SCCPDH: variants seen among roughly 807,000 people sequenced by gnomAD.
SCCPDH encodes saccharopine dehydrogenase-like oxidoreductase.
In SCCPDH, 34 loss-of-function variants were observed where a neutral mutation model predicts 51.5. The ratio of observed to expected loss-of-function variants is 0.66; its 90% CI spans 0.50 to 0.88. SCCPDH has a LOEUF of 0.88. Among genes scored for constraint, SCCPDH ranks in the 40% least tolerant of loss-of-function variants. SCCPDH has a pLI of 0.00. For synonymous variants in SCCPDH, 187 were observed against 191.3 expected, an observed-to-expected ratio of 0.98 and a Z score of 0.19; for missense variants, 464 against 527.1, an observed-to-expected ratio of 0.88 and a Z score of 1.17.
Position 246,760,041 on chromosome 1 carries a change from G to T in SCCPDH, c.898G>T (p.Val300Leu). ...TGCAGGACTTTTCTTTTTGTTCTTT[G>T]TGAGGTTTGGAATTGGAAGGCAACT... is the stretch of plus-strand genomic sequence containing the variant. Reference protein sequence around the residue: ...MFAGLFFLFFVRFGIGRQLLI... With the variant: ...MFAGLFFLFFLRFGIGRQLLI... Residue 300 changes from valine to leucine, a missense_variant, in exon 8 of 12, where the codon GTG becomes TTG. By Grantham distance (32) the Val-to-Leu change is conservative. Transcript: ENST00000366510. 6.2e-7 allele frequency: 1 copy of T among 1,613,440 alleles called. No homozygotes were observed. Among genetic ancestry groups the T allele is most frequent in the Non-Finnish European group, 8.5e-7 (1 of 1,179,680 alleles).
At position 246,736,059 on chromosome 1, in the gene SCCPDH, T is replaced by C. The variant is rs1199493039; in HGVS notation, c.384+4T>C. 5.7e-6 allele frequency: 9 copies of C among 1,585,502 alleles called. No homozygotes were observed. Among genetic ancestry groups the C allele is most frequent in the Non-Finnish European group, 6.9e-6 (8 of 1,159,992 alleles). ...CGACATCAGTGGAGAACCTCAGGTA[T>C]AAAAAATAAAAAGGAAAAACGTAGA... is the stretch of plus-strand genomic sequence containing the variant. On this transcript the variant is annotated splice_donor_region_variant and intron_variant, in intron 3 of 11. Coordinates refer to ENST00000366510, the MANE Select transcript of SCCPDH (RefSeq NM_016002.3).
intron 3 of SCCPDH, among the ~76,000 whole-genome samples, chr1:246,739,211 T>A (rs1668642657): frequency 6.6e-6 from 1 of 152,166 alleles, no homozygotes; most frequent in South Asian, 2.1e-4. Context: ...GAACACTGCC[T>A]CAGCCAGGTG....
chr1:246,742,098 A>C (rs1038113845), intron 4 of SCCPDH, among the ~76,000 whole-genome samples: 45 of 152,258 alleles, frequency 3.0e-4, no homozygotes, highest in African/African-American at 1.0e-3. Context: ...CGAATGAATG[A>C]ATGTCAGAAG....
chr1:246,740,386 A>C, intron 4 of SCCPDH, 85 bp downstream of exon 4: 1 of 1,215,680 alleles, frequency 8.2e-7, no homozygotes, highest in Non-Finnish European at 1.1e-6. Context: ...ACTAAAATCT[A>C]GTTGAAAAAA....
In SCCPDH at chr1:246,752,662, G is replaced by A. The variant is rs546844215; in HGVS notation, c.565-5564G>A. Among the ~76,000 whole-genome samples, 12 of 151,744 alleles carry A rather than the reference G, an allele frequency of 7.9e-5. No homozygotes were observed. In the South Asian group the frequency reaches 1.9e-3, roughly 24 times the overall value. ...ATCGGAGGAATCTGTAACTTTCCTC[G>A]ATTCCTGTCTTTTGACCATACCTTG... On this transcript the variant is annotated intron_variant, in intron 5 of 11. Coordinates refer to ENST00000366510, the MANE Select transcript of SCCPDH (RefSeq NM_016002.3).
intron 7 of SCCPDH, 135 bp from the exon 8 acceptor site, chr1:246,759,822 C>G: frequency 5.3e-6 from 5 of 939,484 alleles, no homozygotes; most frequent in East Asian, 2.6e-5. Flanking sequence ...GATTTCAGAA[C>G]ATAATGCATT....
intron 9 of SCCPDH, among the ~76,000 whole-genome samples, chr1:246,761,244 T>A (rs1669008199): frequency 6.6e-6 from 1 of 152,172 alleles, no homozygotes; most frequent in African/African-American, 2.4e-5. Flanking sequence ...CCGGATAATT[T>A]TTTTGTATTT....
At chr1:246,766,037 C>T (rs1402793589) in intron 10 of SCCPDH, 21 bp from the exon 11 acceptor site, 5 of 1,543,962 alleles carry the variant, frequency 3.2e-6, no homozygotes, top group South Asian at 1.2e-5. Context: ...TTCTTTTTCC[C>T]TGATCAACTG....
intron 5 of SCCPDH, among the ~76,000 whole-genome samples, chr1:246,754,085 C>T (rs1396600421): frequency 6.6e-6 from 1 of 151,996 alleles, no homozygotes; most frequent in Non-Finnish European, 1.5e-5. Context: ...GATGTGTCTC[C>T]TATCCTTTAG....
At chr1:246,759,764 T>G (rs532542255) in intron 7 of SCCPDH, among the ~76,000 whole-genome samples, 193 bp from the exon 8 acceptor site, 165 of 152,364 alleles carry the variant, frequency 1.1e-3, no homozygotes, top group Non-Finnish European at 2.0e-3. Context: ...TCACCAGGTC[T>G]GACAAAACAA....
chr1:246,739,699 T>TA (rs925995461), intron 3 of SCCPDH, among the ~76,000 whole-genome samples: 27 of 152,284 alleles, frequency 1.8e-4, no homozygotes, highest in African/African-American at 6.3e-4. Flanking sequence ...CTGTAAATCT[T>TA]AAACTGTTTT....
rs1000840360 is a variant in SCCPDH at position 246,724,432 on chromosome 1, G to T, written c.10G>T (p.Glu4Ter). ...TCGCTGTGGACTCGTCATGGCGACC[G>T]AGCAGAGGCCTTTCCACCTGGTGGT... MAT[E>*]QRPFHLVVFG... Residue 4 changes from glutamate (E) to a stop codon, truncating the protein, a stop_gained, in exon 1 of 12, where the codon GAG becomes TAG. Coordinates refer to ENST00000366510, the MANE Select transcript of SCCPDH (RefSeq NM_016002.3). LOFTEE classifies it high-confidence loss of function. 6.3e-7 allele frequency: 1 copy of T among 1,577,716 alleles called. No individual in the cohort carries two copies. Among genetic ancestry groups the T allele is most frequent in the Non-Finnish European group, 8.6e-7 (1 of 1,165,256 alleles).
At chr1:246,748,051 A>G (rs1357544785) in intron 5 of SCCPDH, among the ~76,000 whole-genome samples, 1 of 151,986 alleles carries the variant, frequency 6.6e-6, no homozygotes, top group African/African-American at 2.4e-5. Flanking sequence ...CCCCCTTTCA[A>G]TTTTCTTGTT....
At chr1:246,755,066 A>T (rs2102988904) in intron 5 of SCCPDH, among the ~76,000 whole-genome samples, 1 of 152,362 alleles carries the variant, frequency 6.6e-6, no homozygotes, top group South Asian at 2.1e-4. Context: ...AAATAAATCA[A>T]GTACCTAAGA....
At chr1:246,742,849 A>G (rs1366535954) in intron 4 of SCCPDH, among the ~76,000 whole-genome samples, 2 of 152,194 alleles carry the variant, frequency 1.3e-5, no homozygotes, top group Non-Finnish European at 2.9e-5. Flanking sequence ...GAAACTCAAT[A>G]ATTAAATACT....
chr1:246,736,122 T>C (rs980652427), intron 3 of SCCPDH, 67 bp downstream of exon 3: 1 of 1,027,166 alleles, frequency 9.7e-7, no homozygotes, highest in African/African-American at 1.6e-5. Context: ...AGTGGAAATA[T>C]TTAGTGTAAT....
chr1:246,766,108 C>G lies in SCCPDH; in HGVS notation c.1153C>G (p.Leu385Val), dbSNP rs779331406. The change falls in exon 11 of 12, where the codon CTT becomes GTT. Residue 385 changes from leucine (L) to valine (V), a missense_variant. Leu to Val is a conservative substitution (Grantham distance 32). Coordinates refer to ENST00000366510, the MANE Select transcript of SCCPDH (RefSeq NM_016002.3). Reference sequence around the variant, plus strand: ...AGCTATGGTTCAGGCAGCCATGACTCTTCTAAGTGATGCTTCTCATCTGCC... The same window carrying G: ...AGCTATGGTTCAGGCAGCCATGACTGTTCTAAGTGATGCTTCTCATCTGCC... ...PIAMVQAAMT[L>V]LSDASHLPKA... 6.2e-7 allele frequency: 1 copy of G among 1,613,388 alleles called. No individual in the cohort carries two copies. The highest frequency in any genetic ancestry group is 8.5e-7 in the Non-Finnish European group (1 of 1,179,558).
chr1:246,759,850 T>C, intron 7 of SCCPDH, 107 bp from the exon 8 acceptor site: 1 of 1,248,252 alleles, frequency 8.0e-7, no homozygotes, highest in East Asian at 2.5e-5. Flanking sequence ...TGGAAACTGC[T>C]TTTGTTCCAC....
rs764361857 is a variant in SCCPDH, at chr1:246,764,359, T to A, written c.1102+2T>A. On this transcript the variant is annotated splice_donor_variant, in intron 10 of 11. Coordinates refer to ENST00000366510, the MANE Select transcript of SCCPDH (RefSeq NM_016002.3). LOFTEE classifies it high-confidence loss of function. ...TTTGTACTCAGGTGAAAGGACCAGG[T>A]ATTTCACATATCACTTAAGAATGCT... The A allele has an allele frequency of 3.9e-6, 6 of 1,524,302 alleles. No individual in the cohort carries two copies. The highest frequency in any genetic ancestry group is 5.5e-6 in the Non-Finnish European group (6 of 1,099,674). The allele number at this position is 1,524,302 out of a possible 1,614,324, so 94.4% of individuals were successfully genotyped here.
Sources: allele counts gnomAD v4.1 joint callset (sites outside exome capture counted in the v4.1 genomes callset), GRCh38; gene constraint gnomAD v4.1.1; transcripts MANE v1.5; gene names NCBI Gene and HGNC (gene_info 2026-07-23, HGNC 2026-07-21).